The following AAMP variants were observed in gnomAD, a reference collection of about 807,000 sequenced individuals.
AAMP encodes angio-associated migratory cell protein.
Under a neutral mutation model 51.1 loss-of-function variants are expected in AAMP, and 12 were observed. That is an observed-to-expected ratio of 0.23 (90% confidence interval 0.15 to 0.38). AAMP has a LOEUF of 0.38. AAMP is among the 10% of genes least tolerant of loss of function. The pLI, the probability that AAMP is intolerant of heterozygous loss-of-function variation, is 1.00. For missense variants in AAMP, 418 were observed against 557.2 expected (o/e 0.75, Z 2.52); for synonymous variants, 210 against 218.7 (o/e 0.96, Z 0.35).
chr2:218,269,473 G>C lies in AAMP; in HGVS notation c.183C>G (p.Asn61Lys). 2 of 1,614,138 alleles carry C rather than the reference G, an allele frequency of 1.2e-6. No homozygotes were observed. Residue 61 changes from asparagine (N) to lysine (K), a missense_variant, in exon 2 of 11, where the codon AAC (asparagine) becomes AAG (lysine). By Grantham distance (94) the Asn-to-Lys change is moderately conservative. Transcript: ENST00000248450. Reference sequence around the variant, plus strand: ...GGGGTTCTAGAACCCAGCCCTCTTCGTTGCCCTCTTCCTCCTCTTCTTCCT... The same window carrying C: ...GGGGTTCTAGAACCCAGCCCTCTTCCTTGCCCTCTTCCTCCTCTTCTTCCT... ...DFEEEEEEEG[N>K]EEGWVLEPQE...
intron 10 of AAMP, among the ~76,000 whole-genome samples, 179 bp downstream of exon 10, chr2:218,264,841 G>C (rs987640242): frequency 6.6e-6 from 1 of 152,194 alleles, no homozygotes. Flanking sequence ...TGACTGAGAC[G>C]TGGGGCCCCG....
chr2:218,266,773 G>T lies in AAMP; in HGVS notation c.534+74C>A. On this transcript the variant is annotated intron_variant, in intron 4 of 10. Coordinates refer to ENST00000248450, the MANE Select transcript of AAMP (RefSeq NM_001087.5). This position sits in a 1 kb window ranked among gnomAD's most constrained non-coding sequence, Gnocchi z 4.7. ...GAGCTGGCTTGGCGCAATAAAGGCA[G>T]AACTGGCCTCCCAAGCTTGCACCCC... 1 of 1,598,940 alleles carries T rather than the reference G, an allele frequency of 6.3e-7. No individual in the cohort carries two copies. Among genetic ancestry groups the T allele is most frequent in the South Asian group, 1.1e-5 (1 of 89,794 alleles).
At position 218,265,207 on chromosome 2, in the gene AAMP, G is replaced by T; in HGVS notation, c.1075-33C>A. Reference sequence around the variant, plus strand: ...GAGGAATGACAGAGGCAGGGCGGAGGTTGGCAGGAGAGCTGAGAGCCATCT... The same window carrying T: ...GAGGAATGACAGAGGCAGGGCGGAGTTTGGCAGGAGAGCTGAGAGCCATCT... On this transcript the variant is annotated intron_variant, in intron 9 of 10. Coordinates refer to ENST00000248450, the MANE Select transcript of AAMP (RefSeq NM_001087.5). This position sits in a 1 kb window ranked among gnomAD's most constrained non-coding sequence, Gnocchi z 6.6. 1 of 1,569,526 alleles carries T rather than the reference G, an allele frequency of 6.4e-7. No individual in the cohort carries two copies.
chr2:218,264,180 T>C lies in AAMP; in HGVS notation c.*353A>G. 2.7e-6 allele frequency: 1 copy of C among 364,588 alleles called. No homozygotes were observed. The allele number at this position is 364,588 out of a possible 1,614,324, so 22.6% of individuals were successfully genotyped here. On this transcript the variant is annotated 3_prime_UTR_variant, in exon 11 of 11. Transcript: ENST00000248450. ...TTTAAAATCTTTAACTAGTATCTCT[T>C]CCTCCTTTCCACCCCCAGAGACTTG...
Position 218,265,316 on chromosome 2 carries a change from C to T in AAMP, c.1074+55G>A. 1 of 1,536,210 alleles carries T rather than the reference C, an allele frequency of 6.5e-7. No homozygotes were observed. Among genetic ancestry groups the T allele is most frequent in the Non-Finnish European group, 8.8e-7 (1 of 1,131,978 alleles). ...GGGTAGATGCTCCTGGAGGCCTGGG[C>T]TTCCCCACCACTATGGACACAGCCC... On this transcript the variant is annotated intron_variant, in intron 9 of 10. Coordinates refer to ENST00000248450, the MANE Select transcript of AAMP (RefSeq NM_001087.5). This position sits in a 1 kb window ranked among gnomAD's most constrained non-coding sequence, Gnocchi z 6.6.
At position 218,265,180 on chromosome 2, in the gene AAMP, C is replaced by T; in HGVS notation, c.1075-6G>A. 1 of 1,578,292 alleles carries T rather than the reference C, an allele frequency of 6.3e-7. No individual in the cohort carries two copies. Among genetic ancestry groups the T allele is most frequent in the Non-Finnish European group, 8.6e-7 (1 of 1,161,818 alleles). On this transcript the variant is annotated splice_polypyrimidine_tract_variant and splice_region_variant and intron_variant, in intron 9 of 10. Transcript: ENST00000248450. This position sits in a 1 kb window ranked among gnomAD's most constrained non-coding sequence, Gnocchi z 6.6. ...AGCAGCTGCACGATGCCCGACTGCC[C>T]CGAGGAATGACAGAGGCAGGGCGGA...
At position 218,265,735 on chromosome 2, in the gene AAMP, G is replaced by A; in HGVS notation, c.880-53C>T. 4 of 1,585,812 alleles carry A rather than the reference G, an allele frequency of 2.5e-6. No homozygotes were observed. Among genetic ancestry groups the A allele is most frequent in the Non-Finnish European group, 3.5e-6 (4 of 1,157,530 alleles). On this transcript the variant is annotated intron_variant, in intron 7 of 10. Coordinates refer to ENST00000248450, the MANE Select transcript of AAMP (RefSeq NM_001087.5). This position sits in a 1 kb window ranked among gnomAD's most constrained non-coding sequence, Gnocchi z 6.6. ...ACACGGAATCCGGGTGCTTGATGGA[G>A]AGAAAGACGGTGGGGAGAGGAGACA...
Position 218,267,332 on chromosome 2 carries a change from A to G in AAMP, c.394+162T>C. 8.8e-7 allele frequency: 1 copy of G among 1,131,082 alleles called. No individual in the cohort carries two copies. The highest frequency in any genetic ancestry group is 1.3e-6 in the Non-Finnish European group (1 of 791,400). The allele number at this position is 1,131,082 out of a possible 1,614,324, so 70.1% of individuals were successfully genotyped here. On this transcript the variant is annotated intron_variant, in intron 3 of 10. Transcript: ENST00000248450. This position sits in a 1 kb window ranked among gnomAD's most constrained non-coding sequence, Gnocchi z 4.6. ...TTAGTGCCTCCTGCCTCTGTGCCCA[A>G]AACACACTAGTATTCGCCCCGTGTC...
At position 218,267,628 on chromosome 2, in the gene AAMP, A is replaced by G. The variant is rs1574611068; in HGVS notation, c.275-15T>C. 2 of 1,614,134 alleles carry G rather than the reference A, an allele frequency of 1.2e-6. No individual in the cohort carries two copies. Among genetic ancestry groups the G allele is most frequent in the Admixed American group, 3.3e-5 (2 of 60,016 alleles). On this transcript the variant is annotated splice_polypyrimidine_tract_variant and intron_variant, in intron 2 of 10. Coordinates refer to ENST00000248450, the MANE Select transcript of AAMP (RefSeq NM_001087.5). The surrounding 1 kb of genome is among the most constrained non-coding windows in gnomAD (Gnocchi z 4.6). Reference sequence around the variant, plus strand: ...AAACACAGATGCTGTCCCAAGAGATATTCCATGGGTAAGGGGACAGAGCTC... The same window carrying G: ...AAACACAGATGCTGTCCCAAGAGATGTTCCATGGGTAAGGGGACAGAGCTC...
intron 1 of AAMP, 173 bp from the exon 2 acceptor site, chr2:218,269,707 C>T: frequency 8.4e-7 from 1 of 1,188,144 alleles, no homozygotes; most frequent in Admixed American, 2.1e-5. Context: ...CCACGGCTGG[C>T]CAGAGACCGT....
Position 218,265,754 on chromosome 2 carries a change from G to A in AAMP, c.880-72C>T, listed in dbSNP as rs972419966. On this transcript the variant is annotated intron_variant, in intron 7 of 10. Coordinates refer to ENST00000248450, the MANE Select transcript of AAMP (RefSeq NM_001087.5). This position sits in a 1 kb window ranked among gnomAD's most constrained non-coding sequence, Gnocchi z 6.6. ...GATGGAGAGAAAGACGGTGGGGAGA[G>A]GAGACAGTGAAGACCCAGGAAGGAA... The A allele has an allele frequency of 3.8e-6, 6 of 1,576,354 alleles. No individual in the cohort carries two copies. The highest frequency in any genetic ancestry group is 3.3e-5 in the South Asian group (3 of 90,334).
chr2:218,269,246 C>T lies in AAMP; in HGVS notation c.274+136G>A, dbSNP rs79234379. The T allele has an allele frequency of 7.1e-4, 820 of 1,157,450 alleles. 14 individuals carry two copies. The East Asian group carries it at 0.019, about 27-fold the overall frequency. 71.7% of individuals were successfully genotyped at this position (1,157,450 alleles called of 1,614,324 possible). A position where few individuals can be genotyped will look rare whatever the true frequency, so the allele number is the denominator to read the frequency against. On this transcript the variant is annotated intron_variant, in intron 2 of 10. Transcript: ENST00000248450. ...AATCATCCATTCTGCCACACTTTCC[C>T]ACCTGTGGGCTCCTCCAGCGCAAGG...
Position 218,269,807 on chromosome 2 carries a change from G to C in AAMP, c.121+159C>G, listed in dbSNP as rs185300942. On this transcript the variant is annotated intron_variant, in intron 1 of 10. Coordinates refer to ENST00000248450, the MANE Select transcript of AAMP (RefSeq NM_001087.5). ...GTCAGGGAACCCCCACCCCAGCCAG[G>C]CCTGAGAACTAAGTGTGAGGGTGGG... 2.4e-6 allele frequency: 3 copies of C among 1,229,764 alleles called. No homozygotes were observed. In the African/African-American group the frequency reaches 4.5e-5, roughly 18 times the overall value. The allele number at this position is 1,229,764 out of a possible 1,614,324, so 76.2% of individuals were successfully genotyped here.
Position 218,267,315 on chromosome 2 carries a change from T to C in AAMP, c.394+179A>G. On this transcript the variant is annotated intron_variant, in intron 3 of 10. Transcript: ENST00000248450. The surrounding 1 kb of genome is among the most constrained non-coding windows in gnomAD (Gnocchi z 4.6). ...TGGATTCCCTTGGCCAATTAGTGCCTCCTGCCTCTGTGCCCAAAACACACT... is the reference window on the plus strand; with the variant it reads ...TGGATTCCCTTGGCCAATTAGTGCCCCCTGCCTCTGTGCCCAAAACACACT... 4.1e-6 allele frequency: 4 copies of C among 965,052 alleles called. No homozygotes were observed. Among genetic ancestry groups the C allele is most frequent in the Non-Finnish European group, 6.2e-6 (4 of 647,396 alleles). 59.8% of individuals were successfully genotyped at this position (965,052 alleles called of 1,614,324 possible).
chr2:218,268,665 C>T (rs893276423), intron 2 of AAMP, among the ~76,000 whole-genome samples: 10 of 150,596 alleles, frequency 6.6e-5, no homozygotes, highest in Non-Finnish European at 1.2e-4. Flanking sequence ...TTTATACTCA[C>T]TACTTTTATT....
rs754627979 is a variant in AAMP at position 218,265,862 on chromosome 2, T to G, written c.848A>C (p.Gln283Pro). 4 of 1,613,772 alleles carry G rather than the reference T, an allele frequency of 2.5e-6. No individual in the cohort carries two copies. Among genetic ancestry groups the G allele is most frequent in the Non-Finnish European group, 3.4e-6 (4 of 1,179,930 alleles). ...SLILTGSVDC[Q>P]AKLVSATTGK... The stretch of plus-strand genomic sequence containing the variant: ...GGTGGTGGCACTGACCAGCTTGGCC[T>G]GGCAGTCCACAGAGCCAGTTAGGAT... Residue 283 changes from glutamine to proline, a missense_variant, in exon 7 of 11, where the codon CAG becomes CCG. Transcript: ENST00000248450. The surrounding 1 kb of genome is among the most constrained non-coding windows in gnomAD (Gnocchi z 6.6).
chr2:218,266,265 A>G lies in AAMP; in HGVS notation c.680-118T>C, dbSNP rs933390734. ...GGGCCCAGACACTGCCCCAGGAATCACAGGTGAGTTCAGAGCAGGAAGGAG... is the reference window on the plus strand; with the variant it reads ...GGGCCCAGACACTGCCCCAGGAATCGCAGGTGAGTTCAGAGCAGGAAGGAG... On this transcript the variant is annotated intron_variant, in intron 5 of 10. Transcript: ENST00000248450. This position sits in a 1 kb window ranked among gnomAD's most constrained non-coding sequence, Gnocchi z 4.7. 9 of 1,308,504 alleles carry G rather than the reference A, an allele frequency of 6.9e-6. No individual in the cohort carries two copies. Among genetic ancestry groups the G allele is most frequent in the African/African-American group, 4.4e-5 (3 of 68,740 alleles). The allele number at this position is 1,308,504 out of a possible 1,614,324, so 81.1% of individuals were successfully genotyped here.
intron 1 of AAMP, 85 bp downstream of exon 1, chr2:218,269,879 GGT>G: frequency 6.3e-7 from 1 of 1,577,102 alleles, no homozygotes; most frequent in South Asian, 1.1e-5. Context: ...TGACCAGTCG[GGT>G]GTGGAGGGGA....
rs1466309138 is a variant in AAMP at position 218,265,727 on chromosome 2, T to C, written c.880-45A>G. On this transcript the variant is annotated intron_variant, in intron 7 of 10. Transcript: ENST00000248450. The surrounding 1 kb of genome is among the most constrained non-coding windows in gnomAD (Gnocchi z 6.6). ...AGAGGAGGACACGGAATCCGGGTGC[T>C]TGATGGAGAGAAAGACGGTGGGGAG... The C allele has an allele frequency of 6.3e-7, 1 of 1,595,508 alleles. No homozygotes were observed. Among genetic ancestry groups the C allele is most frequent in the Admixed American group, 1.7e-5 (1 of 59,978 alleles).
Sources: allele counts gnomAD v4.1 joint callset (sites outside exome capture counted in the v4.1 genomes callset), GRCh38; gene constraint gnomAD v4.1.1; non-coding constraint Gnocchi (gnomAD v3.1); transcripts MANE v1.5; gene names NCBI Gene and HGNC (gene_info 2026-07-23, HGNC 2026-07-21).